Variants in PHLDB1 observed in about 807,000 individuals in gnomAD.
PHLDB1 encodes the protein pleckstrin homology-like domain family B member 1.
PHLDB1 carries 65 observed loss-of-function variants against 139.3 expected under a neutral mutation model. The observed-to-expected ratio is 0.47, with a 90% CI of 0.38 to 0.57. PHLDB1 has a LOEUF of 0.57. Among genes scored for constraint, PHLDB1 ranks in the 20% least tolerant of loss-of-function variants. PHLDB1 has a pLI of 0.00. For missense variants in PHLDB1, 1,624 were observed against 1,839.7 expected (o/e 0.88, Z 2.14); for synonymous variants, 679 against 734.5 (o/e 0.92, Z 1.22).
At chr11:118,629,957 CT>C in intron 6 of PHLDB1, 1 of 1,256,552 alleles carries the variant, frequency 8.0e-7, no homozygotes, top group South Asian at 1.3e-5. Flanking sequence ...CTCAACCAGG[CT>C]GCTTATCTGG....
Position 118,632,992 on chromosome 11 carries a change from T to C in PHLDB1, c.2379+696T>C, listed in dbSNP as rs2509316. On this transcript the variant is annotated intron_variant, in intron 9 of 22. Transcript: ENST00000600882. The surrounding 1 kb of genome is among the most constrained non-coding windows in gnomAD (Gnocchi z 5.9). Reference sequence around the variant, plus strand: ...GAGAATCTTAAAAATTCTTTGACCCTTTTTTTTTTTTTTTGGAGCTTTGGC... The same window carrying C: ...GAGAATCTTAAAAATTCTTTGACCCCTTTTTTTTTTTTTTGGAGCTTTGGC... The C allele has an allele frequency of 1.0e-4, 4 of 39,380 alleles. No individual in the cohort carries two copies. Among genetic ancestry groups the C allele is most frequent in the Admixed American group, 5.4e-4 (1 of 1,850 alleles). The allele number at this position is 39,380 out of a possible 1,614,324, so 2.4% of individuals were successfully genotyped here.
At chr11:118,655,777 C>CA (rs1948962650) in intron 21 of PHLDB1, 83 bp from the exon 22 acceptor site, 1 of 1,485,834 alleles carries the variant, frequency 6.7e-7, no homozygotes, top group Non-Finnish European at 9.4e-7. Flanking sequence ...CAAAGGCCTC[C>CA]AGCCTGCCCT....
intron 20 of PHLDB1, chr11:118,655,126 G>A (rs1232070564): frequency 6.4e-6 from 1 of 155,656 alleles, no homozygotes; most frequent in African/African-American, 2.4e-5. Context: ...AATCTTCTGT[G>A]ACTGCAGACA....
Position 118,627,924 on chromosome 11 carries a change from A to C in PHLDB1, c.1101A>C (p.Pro367=). The change falls in exon 6 of 23, where the codon CCA becomes CCC. Residue 367 remains proline, a synonymous_variant. Coordinates refer to ENST00000600882, the MANE Select transcript of PHLDB1 (RefSeq NM_001144758.3). The stretch of plus-strand genomic sequence containing the variant: ...TGGCCATCAGCCTGAGTGAATACCC[A>C]GCTTCTGGTGCTCTCAGTCAACCCA... ...PVVAISLSEY[P]ASGALSQPTS... 1 of 1,612,642 alleles carries C rather than the reference A, an allele frequency of 6.2e-7. No individual in the cohort carries two copies.
chr11:118,648,135 G>A (rs1947813166), intron 18 of PHLDB1, 59 bp downstream of exon 18: 4 of 1,526,654 alleles, frequency 2.6e-6, no homozygotes, highest in African/African-American at 1.4e-5. Flanking sequence ...GTAGAGAAGT[G>A]GGGAGATCCC....
intron 5 of PHLDB1, among the ~76,000 whole-genome samples, chr11:118,626,249 T>TC (rs1943846795): frequency 6.6e-6 from 1 of 151,894 alleles, no homozygotes; most frequent in African/African-American, 2.4e-5. Flanking sequence ...TTTTTCTTTT[T>TC]TTTTTTTTAC....
chr11:118,636,142 G>A (rs537167771), intron 10 of PHLDB1, among the ~76,000 whole-genome samples: 1 of 152,316 alleles, frequency 6.6e-6, no homozygotes, highest in African/African-American at 2.4e-5. Flanking sequence ...TATGTTTGGG[G>A]AGTAAAGCTG....
chr11:118,629,144 C>G (rs938331986), intron 6 of PHLDB1, among the ~76,000 whole-genome samples: 2 of 152,206 alleles, frequency 1.3e-5, no homozygotes, highest in South Asian at 4.1e-4. Flanking sequence ...TAGAAAAGTA[C>G]CTTGTCCTTC....
intron 10 of PHLDB1, among the ~76,000 whole-genome samples, chr11:118,638,533 G>A (rs996381797): frequency 6.6e-6 from 1 of 152,212 alleles, no homozygotes; most frequent in South Asian, 2.1e-4. Context: ...GTCCAGACCA[G>A]GGAAGCAGAG....
intron 4 of PHLDB1, among the ~76,000 whole-genome samples, chr11:118,623,874 T>TTGTGTGTGTGTGTGTG (rs3222268): frequency 7.1e-6 from 1 of 141,194 alleles, no homozygotes; most frequent in African/African-American, 2.7e-5. Flanking sequence ...CTCTGAACAT[T>TTGTGTGTGTGTGTGTG]TGTGTGTGTG....
In PHLDB1 at chr11:118,631,208, A is replaced by C; in HGVS notation, c.1829A>C (p.Glu610Ala). 1 of 1,422,294 alleles carries C rather than the reference A, an allele frequency of 7.0e-7. No homozygotes were observed. The highest frequency in any genetic ancestry group is 2.7e-5 in the East Asian group (1 of 36,980). The allele number at this position is 1,422,294 out of a possible 1,614,324, so 88.1% of individuals were successfully genotyped here. Residue 610 changes from glutamate (E) to alanine (A), a missense_variant and splice_region_variant, in exon 7 of 23, where the codon GAA (glutamate) becomes GCA (alanine). Coordinates refer to ENST00000600882, the MANE Select transcript of PHLDB1 (RefSeq NM_001144758.3). ...TCCTGCTCTGTCCATCCTCCCCAGG[A>C]ACGCCAGCGCCTGGAGACCATCCTG... The part of the protein sequence containing the change: ...RLREQEMERL[E>A]RQRLETILNL...
intron 1 of PHLDB1, among the ~76,000 whole-genome samples, chr11:118,612,553 T>C (rs1286739125): frequency 6.6e-6 from 1 of 152,180 alleles, no homozygotes; most frequent in Non-Finnish European, 1.5e-5. Context: ...CCCTCTTCCC[T>C]GGCAGTCTTG....
At chr11:118,651,862 A>C (rs1479519199) in intron 20 of PHLDB1, 1 of 151,784 alleles carries the variant, frequency 6.6e-6, no homozygotes, top group African/African-American at 2.4e-5. Context: ...TCGACTGCAC[A>C]TTGTGAGTTG....
At chr11:118,642,074 T>G in intron 12 of PHLDB1, 180 bp from the exon 13 acceptor site, 2 of 685,196 alleles carry the variant, frequency 2.9e-6, no homozygotes, top group Non-Finnish European at 2.6e-6. Flanking sequence ...TTCCTCCCCT[T>G]CTTCCTTCAC....
In PHLDB1 at chr11:118,611,187, T is replaced by G. The variant is rs1940213843; in HGVS notation, c.-21-2629T>G. 6.6e-6 allele frequency among the ~76,000 whole-genome samples: 1 copy of G among 152,216 alleles called. No homozygotes were observed. The highest frequency in any genetic ancestry group is 1.5e-5 in the Non-Finnish European group (1 of 68,030). On this transcript the variant is annotated intron_variant, in intron 1 of 22. Transcript: ENST00000600882. This position sits in a 1 kb window ranked among gnomAD's most constrained non-coding sequence, Gnocchi z 4.7. ...GCTCTCGGCCGCGGCGATCGCCCTT[T>G]GGGAAAGCACCGCCTGAGTGCAGGG...
At chr11:118,642,084 C>T (rs1946629564) in intron 12 of PHLDB1, 170 bp from the exon 13 acceptor site, 3 of 712,754 alleles carry the variant, frequency 4.2e-6, no homozygotes, top group Non-Finnish European at 5.0e-6. Context: ...TCTTCCTTCA[C>T]CTTCCTGTCC....
chr11:118,619,929 A>T (rs1161956950), intron 4 of PHLDB1, among the ~76,000 whole-genome samples: 1 of 152,182 alleles, frequency 6.6e-6, no homozygotes, highest in East Asian at 1.9e-4. Context: ...TGTAACTAAA[A>T]GGAGTTGTCT....
Position 118,645,624 on chromosome 11 carries a change from G to A in PHLDB1, c.3390G>A (p.Ser1130=), listed in dbSNP as rs199611113. ...CCAGCATCTCCACCGGGGGCAACTC[G>A]GCCTGCTCCCCTGACAACATGTCCA... ...METSISTGGN[S]ACSPDNMSSA... is the part of the protein sequence containing the mutation. The change falls in exon 16 of 23, where the codon TCG becomes TCA. Residue 1130 remains serine (S), a synonymous_variant. Transcript: ENST00000600882. This position sits in a 1 kb window ranked among gnomAD's most constrained non-coding sequence, Gnocchi z 5.1. 17 of 1,613,060 alleles carry A rather than the reference G, an allele frequency of 1.1e-5. No individual in the cohort carries two copies. The East Asian group carries it at 1.6e-4, about 15-fold the overall frequency.
chr11:118,625,532 T>C (rs1555100433), intron 5 of PHLDB1, among the ~76,000 whole-genome samples: 1 of 152,232 alleles, frequency 6.6e-6, no homozygotes, highest in Non-Finnish European at 1.5e-5. Context: ...GTGTGAATTA[T>C]TGATCCCCAG....
Sources: allele counts gnomAD v4.1 joint callset (sites outside exome capture counted in the v4.1 genomes callset), GRCh38; gene constraint gnomAD v4.1.1; non-coding constraint Gnocchi (gnomAD v3.1); transcripts MANE v1.5; gene names NCBI Gene and HGNC (gene_info 2026-07-23, HGNC 2026-07-21).